The following USP38 variants were observed in gnomAD, a reference collection of about 807,000 sequenced individuals.
The protein encoded by USP38 is ubiquitin carboxyl-terminal hydrolase 38.
Under a neutral mutation model 94.3 loss-of-function variants are expected in USP38, and 49 were observed. That is an observed-to-expected ratio of 0.52 (90% CI 0.41 to 0.66). The LOEUF is 0.66. Among genes scored for constraint, USP38 ranks in the 30% least tolerant of loss-of-function variants. The pLI is 0.00. For missense variants in USP38, 1,128 were observed against 1,229.4 expected (o/e 0.92, Z 1.23); for synonymous variants, 468 against 463.6 (o/e 1.01, Z -0.12).
rs1731408212 is a variant in USP38 at position 143,191,943 on chromosome 4, G to A, written c.819-3773G>A. 2.0e-5 allele frequency among the ~76,000 whole-genome samples: 3 copies of A among 152,180 alleles called. No individual in the cohort carries two copies. In the South Asian group the frequency reaches 6.2e-4, roughly 31 times the overall value. ...TTATCTTGCAGTGCCTGCCTGTACTGGAGAAGAACCTCAGACATGTGCAAG... is the reference window on the plus strand; with the variant it reads ...TTATCTTGCAGTGCCTGCCTGTACTAGAGAAGAACCTCAGACATGTGCAAG... On this transcript the variant is annotated intron_variant, in intron 2 of 9. Transcript: ENST00000307017.
In USP38 at chr4:143,185,348, C is replaced by T. The variant is rs1731180540; in HGVS notation, c.-103C>T. On this transcript the variant is annotated 5_prime_UTR_variant, in exon 1 of 10. Transcript: ENST00000307017. ...GCCGTGGCCCGTCGCGCTGCTGCTG[C>T]GGCGCTCCAAGTTCATCTCCGCCCC... 7 of 1,311,036 alleles carry T rather than the reference C, an allele frequency of 5.3e-6. No individual in the cohort carries two copies. The highest frequency in any genetic ancestry group is 7.2e-6 in the Non-Finnish European group (7 of 975,428). 81.2% of individuals were successfully genotyped at this position (1,311,036 alleles called of 1,614,324 possible). A position where few individuals can be genotyped will look rare whatever the true frequency, so the allele number is the denominator to read the frequency against.
At chr4:143,191,619 A>G (rs1731398766) in intron 2 of USP38, among the ~76,000 whole-genome samples, 1 of 152,196 alleles carries the variant, frequency 6.6e-6, no homozygotes, top group Admixed American at 6.5e-5. Context: ...TTAAAGTTGC[A>G]TGTACTTTTC....
intron 7 of USP38, among the ~76,000 whole-genome samples, chr4:143,211,468 CAA>C: frequency 6.6e-6 from 1 of 152,048 alleles, no homozygotes; most frequent in African/African-American, 2.4e-5. Flanking sequence ...GTCATGCAAG[CAA>C]GCAGCAGGGT....
intron 7 of USP38, among the ~76,000 whole-genome samples, chr4:143,212,071 C>T (rs1039094863): frequency 6.6e-6 from 1 of 152,026 alleles, no homozygotes; most frequent in Non-Finnish European, 1.5e-5. Flanking sequence ...AGCTGTATGA[C>T]CCTGGGCAAG....
chr4:143,187,582 C>T (rs146778232), intron 1 of USP38, among the ~76,000 whole-genome samples: 7 of 152,178 alleles, frequency 4.6e-5, no homozygotes, highest in African/African-American at 1.4e-4. Context: ...ATGGACTAAC[C>T]ATATCAATAT....
At chr4:143,204,260 G>A (rs899709898) in intron 5 of USP38, among the ~76,000 whole-genome samples, 5 of 152,108 alleles carry the variant, frequency 3.3e-5, no homozygotes, top group Admixed American at 2.6e-4. Flanking sequence ...GATTACAGGC[G>A]TGAGCCACTG....
chr4:143,187,084 TTTG>T (rs1731248154), intron 1 of USP38, among the ~76,000 whole-genome samples: 1 of 152,148 alleles, frequency 6.6e-6, no homozygotes, highest in African/African-American at 2.4e-5. Flanking sequence ...TCTGAGTTGG[TTTG>T]TTTTTTTTTC....
Position 143,213,691 on chromosome 4 carries a change from T to C in USP38, c.1715T>C (p.Leu572Pro). 1 of 1,613,706 alleles carries C rather than the reference T, an allele frequency of 6.2e-7. No homozygotes were observed. Among genetic ancestry groups the C allele is most frequent in the Non-Finnish European group, 8.5e-7 (1 of 1,179,792 alleles). Residue 572 changes from leucine (L) to proline (P), a missense_variant, in exon 9 of 10, where the codon CTA (leucine) becomes CCA (proline). Transcript: ENST00000307017. ...GAAGTAGCTAGTAAAGCAGCAGTACTAACAGAGACCCCTCGTACAAGTGAC... is the reference window on the plus strand; with the variant it reads ...GAAGTAGCTAGTAAAGCAGCAGTACCAACAGAGACCCCTCGTACAAGTGAC... ...LQEVASKAAV[L>P]TETPRTSDGE... is the part of the protein sequence containing the mutation.
intron 9 of USP38, among the ~76,000 whole-genome samples, chr4:143,219,190 G>A (rs930838676): frequency 6.6e-6 from 1 of 152,032 alleles, no homozygotes; most frequent in Non-Finnish European, 1.5e-5. Context: ...ATTTATCAAA[G>A]GTCCCTTTCA....
In USP38 at chr4:143,214,961, G is replaced by A. The variant is rs369886378; in HGVS notation, c.2967+18G>A. 6.6e-5 allele frequency: 105 copies of A among 1,598,262 alleles called. No individual in the cohort carries two copies. The highest frequency in any genetic ancestry group is 9.4e-6 in the Non-Finnish European group (11 of 1,172,622). Reference sequence around the variant, plus strand: ...ATTTACAGGTAAGTTGGAAATACAAGCTTTATTTGTTGAAAATATTAAACA... The same window carrying A: ...ATTTACAGGTAAGTTGGAAATACAAACTTTATTTGTTGAAAATATTAAACA... On this transcript the variant is annotated intron_variant, in intron 9 of 9. Coordinates refer to ENST00000307017, the MANE Select transcript of USP38 (RefSeq NM_032557.6).
intron 2 of USP38, among the ~76,000 whole-genome samples, chr4:143,192,139 C>T (rs1406289886): frequency 6.6e-6 from 1 of 152,198 alleles, no homozygotes; most frequent in African/African-American, 2.4e-5. Flanking sequence ...CCATATCTTA[C>T]TGTTATATTC....
chr4:143,191,603 A>G (rs1252712178), intron 2 of USP38, among the ~76,000 whole-genome samples: 1 of 152,180 alleles, frequency 6.6e-6, no homozygotes, highest in Non-Finnish European at 1.5e-5. Flanking sequence ...TTTTACTGTT[A>G]TGGTTTTAAA....
In USP38 at chr4:143,185,958, C is replaced by G; in HGVS notation, c.508C>G (p.Gln170Glu). ...GAAATTGTCCATCACGTTCTGTCAACAGCTGGTTCGAACGATAGGCCATTT... is the reference window on the plus strand; with the variant it reads ...GAAATTGTCCATCACGTTCTGTCAAGAGCTGGTTCGAACGATAGGCCATTT... ...KGKLSITFCQ[Q>E]LVRTIGHFQC... The change falls in exon 1 of 10, where the codon CAG becomes GAG. Residue 170 changes from glutamine to glutamate, a missense_variant. By Grantham distance (29) the Gln-to-Glu change is conservative (BLOSUM62 2). Coordinates refer to ENST00000307017, the MANE Select transcript of USP38 (RefSeq NM_032557.6). 1.2e-6 allele frequency: 2 copies of G among 1,614,192 alleles called. No individual in the cohort carries two copies. Among genetic ancestry groups the G allele is most frequent in the Non-Finnish European group, 1.7e-6 (2 of 1,180,040 alleles).
Position 143,209,594 on chromosome 4 carries a change from A to G in USP38, c.1434A>G (p.Leu478=). 1 of 1,606,056 alleles carries G rather than the reference A, an allele frequency of 6.2e-7. No homozygotes were observed. The highest frequency in any genetic ancestry group is 1.1e-5 in the South Asian group (1 of 90,780). The change falls in exon 7 of 10, where the codon CTA becomes CTG. Residue 478 remains leucine (L), a synonymous_variant. Coordinates refer to ENST00000307017, the MANE Select transcript of USP38 (RefSeq NM_032557.6). ...GGAGACAAGTATTATCTTTAAATCT[A>G]AATGGGTGCAATTCATTAATGAAAA... is the stretch of plus-strand genomic sequence containing the variant. ...DFRRQVLSLN[L]NGCNSLMKKL... is the part of the protein sequence containing the mutation.
rs563685827 is a variant in USP38, at chr4:143,186,065, C to T, written c.615C>T (p.Ile205=). 15 of 1,614,188 alleles carry T rather than the reference C, an allele frequency of 9.3e-6. No individual in the cohort carries two copies. In the African/African-American group the frequency reaches 1.9e-4, roughly 20 times the overall value. The change falls in exon 1 of 10, where the codon ATC becomes ATT. Residue 205 remains isoleucine, a synonymous_variant. Transcript: ENST00000307017. ...VTKVSNLLQN[I]WKAEPATLLP... ...AAGTGAGTAACTTGCTGCAGAACAT[C>T]TGGAAGGCCGAGCCTGCCACACTAC... is the stretch of plus-strand genomic sequence containing the variant.
At chr4:143,212,786 C>T (rs1732063880) in intron 8 of USP38, among the ~76,000 whole-genome samples, 1 of 152,086 alleles carries the variant, frequency 6.6e-6, no homozygotes, top group African/African-American at 2.4e-5. Context: ...TATGAGGCTC[C>T]AGCTGTCTTC....
At chr4:143,188,366 C>T (rs1731292421) in intron 2 of USP38, among the ~76,000 whole-genome samples, 1 of 151,772 alleles carries the variant, frequency 6.6e-6, no homozygotes, top group Non-Finnish European at 1.5e-5. Context: ...ACACTCTTTG[C>T]CTTTGCCTGT....
chr4:143,197,295 G>A (rs1197088796), intron 3 of USP38, among the ~76,000 whole-genome samples: 2 of 152,068 alleles, frequency 1.3e-5, no homozygotes, highest in African/African-American at 2.4e-5. Flanking sequence ...TTTATTGAAC[G>A]CTATATAAAA....
chr4:143,186,677 TAGAATG>T (rs1176370869), intron 1 of USP38, among the ~76,000 whole-genome samples: 4 of 152,178 alleles, frequency 2.6e-5, no homozygotes, highest in Non-Finnish European at 5.9e-5. Flanking sequence ...GGAATACAGA[TAGAATG>T]AGGGAAGGAA....
Sources: gnomAD v4.1 joint callset for allele counts (sites outside exome capture counted in the v4.1 genomes callset) on GRCh38, gnomAD v4.1.1 for gene constraint, MANE v1.5 for transcripts, NCBI Gene and HGNC (gene_info 2026-07-23, HGNC 2026-07-21) for gene names.